The following SNX29 variants were observed in gnomAD, a reference collection of about 807,000 sequenced individuals.
SNX29 encodes the protein sorting nexin 29.
In SNX29, 78 loss-of-function variants were observed where a neutral mutation model predicts 102.1. The observed-to-expected ratio is 0.76, with a 90% CI of 0.64 to 0.92. The LOEUF (loss-of-function observed/expected upper bound fraction) is 0.92, where lower values mean the gene tolerates loss of function less well. Among genes scored for constraint, SNX29 ranks in the 40% least tolerant of loss-of-function variants. The pLI is 0.00. For synonymous variants in SNX29, 580 were observed against 414.5 expected (o/e 1.40, Z -4.85); for missense variants, 1,280 against 1,061.7 (o/e 1.21, Z -2.86).
rs984156445 is a variant in SNX29 at position 12,051,786 on chromosome 16, C to T, written c.749-61C>T. ...CCATAACCTGGAGGTGAGTTGGTTC[C>T]ATCATCCTTTTGTCTTGCCTCCTTT... is the stretch of plus-strand genomic sequence containing the variant. On this transcript the variant is annotated intron_variant, in intron 7 of 20. Coordinates refer to ENST00000566228, the MANE Select transcript of SNX29 (RefSeq NM_032167.5). 1.1e-5 allele frequency: 17 copies of T among 1,578,246 alleles called. No individual in the cohort carries two copies. The African/African-American group carries it at 1.2e-4, about 12-fold the overall frequency.
At chr16:12,172,872 T>A (rs1288741481) in intron 13 of SNX29, among the ~76,000 whole-genome samples, 1 of 152,286 alleles carries the variant, frequency 6.6e-6, no homozygotes, top group East Asian at 1.9e-4. Context: ...ACTTTCAGCT[T>A]TGTGGGCCGT....
intron 18 of SNX29, among the ~76,000 whole-genome samples, chr16:12,468,967 A>G (rs904025391): frequency 3.3e-5 from 5 of 152,356 alleles, no homozygotes; most frequent in African/African-American, 1.2e-4. Flanking sequence ...ACAGTAGAGC[A>G]TGGGCTGAAA....
At chr16:12,187,511 G>A (rs557456381) in intron 13 of SNX29, among the ~76,000 whole-genome samples, 14 of 151,422 alleles carry the variant, frequency 9.2e-5, no homozygotes, top group East Asian at 3.9e-4. Context: ...TCATGCCACT[G>A]CACTCCAGCC....
chr16:12,162,832 C>T (rs886415259), intron 13 of SNX29, among the ~76,000 whole-genome samples: 43 of 152,198 alleles, frequency 2.8e-4, no homozygotes, highest in Admixed American at 1.2e-3. Context: ...GCAGCGGCAA[C>T]ACCCTGGAGG....
chr16:12,107,941 A>G (rs2053333314), intron 11 of SNX29, among the ~76,000 whole-genome samples: 1 of 151,964 alleles, frequency 6.6e-6, no homozygotes, highest in Admixed American at 6.6e-5. Flanking sequence ...TTAGGCTGTG[A>G]GCTTTTTTTT....
chr16:12,144,631 CTG>C (rs1161029606), intron 13 of SNX29, among the ~76,000 whole-genome samples: 1 of 152,362 alleles, frequency 6.6e-6, no homozygotes, highest in East Asian at 1.9e-4. Flanking sequence ...GCTTCCAGAA[CTG>C]TGAGAAAAGA....
chr16:12,232,399 C>T (rs941573368), intron 14 of SNX29, among the ~76,000 whole-genome samples: 22 of 152,146 alleles, frequency 1.4e-4, no homozygotes, highest in African/African-American at 5.1e-4. Flanking sequence ...TAGTGGCGTG[C>T]GCCTGTAATC....
rs1387395115 is a variant in SNX29 at position 12,573,511 on chromosome 16, C to G, written c.*4882C>G. 2 of 224,072 alleles carry G rather than the reference C, an allele frequency of 8.9e-6. No individual in the cohort carries two copies. The highest frequency in any genetic ancestry group is 1.8e-5 in the Non-Finnish European group (2 of 112,452). 13.9% of individuals were successfully genotyped at this position (224,072 alleles called of 1,614,324 possible). ...TAGATTCACTGGTGGTTTAAGAGGC[C>G]CAGGGATTTAGTTCTTACTGGTGCG... is the stretch of plus-strand genomic sequence containing the variant. On this transcript the variant is annotated 3_prime_UTR_variant, in exon 21 of 21. Coordinates refer to ENST00000566228, the MANE Select transcript of SNX29 (RefSeq NM_032167.5).
chr16:12,565,735 C>A (rs1040627748), intron 20 of SNX29, among the ~76,000 whole-genome samples: 3 of 152,148 alleles, frequency 2.0e-5, no homozygotes, highest in African/African-American at 7.2e-5. Context: ...TACAAGTCCA[C>A]CCCCTCCCCA....
chr16:12,045,476 G>A (rs2050048865), intron 5 of SNX29, among the ~76,000 whole-genome samples: 1 of 152,080 alleles, frequency 6.6e-6, no homozygotes, highest in Non-Finnish European at 1.5e-5. Flanking sequence ...TTGGCCAGAT[G>A]ACCTTGGACA....
intron 15 of SNX29, among the ~76,000 whole-genome samples, chr16:12,305,399 C>A (rs777165257): frequency 4.6e-5 from 7 of 152,188 alleles, no homozygotes; most frequent in Admixed American, 6.5e-5. Flanking sequence ...AAGGGCACAG[C>A]GCCGAGGGCG....
intron 14 of SNX29, among the ~76,000 whole-genome samples, chr16:12,234,789 A>G (rs532161383): frequency 6.6e-6 from 1 of 152,234 alleles, no homozygotes; most frequent in South Asian, 2.1e-4. Context: ...CCCACCTGAA[A>G]TTACTTAGGG....
intron 19 of SNX29, among the ~76,000 whole-genome samples, chr16:12,517,301 A>T (rs192198936): frequency 6.6e-6 from 1 of 152,318 alleles, no homozygotes; most frequent in Admixed American, 6.5e-5. Flanking sequence ...TGGCCCTTTA[A>T]GAGCTGGACA....
chr16:12,413,501 G>T (rs2151555013), intron 18 of SNX29, among the ~76,000 whole-genome samples: 1 of 152,150 alleles, frequency 6.6e-6, no homozygotes, highest in South Asian at 2.1e-4. Flanking sequence ...CAGGTGAGGT[G>T]GAGACAGCAG....
chr16:12,466,798 C>T (rs773869583), intron 18 of SNX29, among the ~76,000 whole-genome samples: 8 of 152,138 alleles, frequency 5.3e-5, no homozygotes, highest in South Asian at 2.1e-4. Flanking sequence ...CTTGGGTCCT[C>T]GGTGGGCTCC....
chr16:12,483,320 T>C (rs1597557198), intron 19 of SNX29, among the ~76,000 whole-genome samples: 1 of 35,954 alleles, frequency 2.8e-5, no homozygotes, highest in African/African-American at 1.0e-4. Flanking sequence ...TTTACTTTTC[T>C]TTTTTTTTTT....
At chr16:12,259,204 TCC>T (rs1301010494) in intron 14 of SNX29, among the ~76,000 whole-genome samples, 1 of 152,190 alleles carries the variant, frequency 6.6e-6, no homozygotes, top group African/African-American at 2.4e-5. Flanking sequence ...ATTATATCGT[TCC>T]GATTTGTCAA....
At chr16:12,226,633 G>A (rs1213478181) in intron 14 of SNX29, among the ~76,000 whole-genome samples, 1 of 148,788 alleles carries the variant, frequency 6.7e-6, no homozygotes. Context: ...GAGTACACTG[G>A]TGCAATCTTG....
intron 11 of SNX29, among the ~76,000 whole-genome samples, chr16:12,103,623 T>C (rs1197060598): frequency 6.6e-6 from 1 of 152,178 alleles, no homozygotes; most frequent in East Asian, 1.9e-4. Flanking sequence ...ATTCAGGACA[T>C]AGGCATGGGC....
Sources: allele counts gnomAD v4.1 joint callset (sites outside exome capture counted in the v4.1 genomes callset), GRCh38; gene constraint gnomAD v4.1.1; transcripts MANE v1.5; gene names NCBI Gene and HGNC (gene_info 2026-07-23, HGNC 2026-07-21).